EXOC6B: variants seen among roughly 807,000 people sequenced by gnomAD.
EXOC6B encodes the protein SEC15 homolog B.
EXOC6B carries 54 observed loss-of-function variants against 113.5 expected under a neutral mutation model. The ratio of observed to expected loss-of-function variants is 0.48; its 90% CI spans 0.38 to 0.60. The LOEUF is 0.60. Among genes scored for constraint, EXOC6B ranks in the 20% least tolerant of loss-of-function variants. The probability of loss-of-function intolerance (pLI) is 0.00; values close to 1 mark genes in which losing one functional copy is unlikely to be tolerated. For synonymous variants in EXOC6B, 357 were observed against 339.0 expected (o/e 1.05, Z -0.58); for missense variants, 797 against 977.5 (o/e 0.82, Z 2.46).
At chr2:72,548,900 G>T (rs1304501059) in intron 8 of EXOC6B, among the ~76,000 whole-genome samples, 1 of 152,036 alleles carries the variant, frequency 6.6e-6, no homozygotes, top group Non-Finnish European at 1.5e-5. Flanking sequence ...AAAACTGCTG[G>T]ATGACACAAG....
intron 2 of EXOC6B, among the ~76,000 whole-genome samples, chr2:72,738,141 T>C (rs1226336307): frequency 1.3e-5 from 2 of 152,174 alleles, no homozygotes; most frequent in African/African-American, 4.8e-5. Context: ...TTGGGAAGCA[T>C]GCCCTAGAGG....
chr2:72,474,188 A>C lies in EXOC6B; in HGVS notation c.1800+6428T>G, dbSNP rs564764112. On this transcript the variant is annotated intron_variant, in intron 17 of 21. Transcript: ENST00000272427. ...ACTAGATGCTTTTCTCTTGCTGTTTATAGAAATCTTTGTGTTTACATTTAG... is the reference window on the plus strand; with the variant it reads ...ACTAGATGCTTTTCTCTTGCTGTTTCTAGAAATCTTTGTGTTTACATTTAG... Among the ~76,000 whole-genome samples, 48 of 151,954 alleles carry C rather than the reference A, an allele frequency of 3.2e-4. 1 individual carries two copies. The highest frequency in any genetic ancestry group is 1.2e-3 in the African/African-American group (48 of 41,434).
chr2:72,397,795 G>A (rs890825676), intron 18 of EXOC6B, among the ~76,000 whole-genome samples: 1 of 151,950 alleles, frequency 6.6e-6, no homozygotes, highest in Non-Finnish European at 1.5e-5. Flanking sequence ...TATAAATGAT[G>A]TGAATATAAA....
At chr2:72,464,081 T>A (rs2105413389) in intron 18 of EXOC6B, 1 of 152,232 alleles carries the variant, frequency 6.6e-6, no homozygotes, top group South Asian at 2.1e-4. Context: ...CCTAATGTAA[T>A]CACACTGGTT....
chr2:72,648,237 C>A (rs921302400), intron 6 of EXOC6B, among the ~76,000 whole-genome samples: 2 of 152,194 alleles, frequency 1.3e-5, no homozygotes, highest in African/African-American at 4.8e-5. Flanking sequence ...GAAATATTTT[C>A]TCACACCAGT....
At chr2:72,657,935 T>C (rs978867105) in intron 6 of EXOC6B, among the ~76,000 whole-genome samples, 2 of 151,540 alleles carry the variant, frequency 1.3e-5, no homozygotes, top group Non-Finnish European at 2.9e-5. Flanking sequence ...GTATTAATTA[T>C]ATACAATTTT....
intron 6 of EXOC6B, among the ~76,000 whole-genome samples, chr2:72,629,401 G>T (rs1573515137): frequency 6.6e-6 from 1 of 152,058 alleles, no homozygotes; most frequent in East Asian, 1.9e-4. Flanking sequence ...TATAAGAATA[G>T]AAATTTCACA....
In EXOC6B at chr2:72,614,112, G is replaced by A. The variant is rs1017868539; in HGVS notation, c.670-38444C>T. ...TCTATCTGGCCGTTTATGGAAAAACGGTTTGTCAACTCTTGGCCTAGAGCT... is the reference window on the plus strand; with the variant it reads ...TCTATCTGGCCGTTTATGGAAAAACAGTTTGTCAACTCTTGGCCTAGAGCT... On this transcript the variant is annotated intron_variant, in intron 6 of 21. Coordinates refer to ENST00000272427, the MANE Select transcript of EXOC6B (RefSeq NM_015189.3). Among the ~76,000 whole-genome samples the A allele has an allele frequency of 3.9e-5, 6 of 152,058 alleles. No individual in the cohort carries two copies. The East Asian group carries it at 5.8e-4, about 15-fold the overall frequency.
chr2:72,206,848 T>C (rs954039425), intron 20 of EXOC6B, among the ~76,000 whole-genome samples: 2 of 152,240 alleles, frequency 1.3e-5, no homozygotes, highest in African/African-American at 4.8e-5. Context: ...TTCCTCAAGA[T>C]AATGTAGTTT....
intron 6 of EXOC6B, among the ~76,000 whole-genome samples, chr2:72,595,991 G>A (rs376999004): frequency 2.6e-5 from 4 of 152,110 alleles, no homozygotes; most frequent in South Asian, 2.1e-4. Flanking sequence ...GAAGCATACC[G>A]CACCACAAGT....
rs1444103075 is a variant in EXOC6B at position 72,652,241 on chromosome 2, C to T, written c.669+65862G>A. On this transcript the variant is annotated intron_variant, in intron 6 of 21. Transcript: ENST00000272427. ...TACCTAATAAACACAGTAGCAGGAA[C>T]GTCAACCTTTGAAAGAGAAAGGAGG... Among the ~76,000 whole-genome samples, 3 of 150,542 alleles carry T rather than the reference C, an allele frequency of 2.0e-5. No individual in the cohort carries two copies. In the South Asian group the frequency reaches 6.3e-4, roughly 32 times the overall value.
intron 18 of EXOC6B, 127 bp downstream of exon 18, chr2:72,465,033 T>C (rs1697952317): frequency 2.8e-6 from 2 of 719,538 alleles, no homozygotes; most frequent in East Asian, 5.4e-5. Flanking sequence ...TTAATAAATA[T>C]AGCATGCGCC....
chr2:72,800,101 A>G (rs1280934829), intron 1 of EXOC6B, among the ~76,000 whole-genome samples: 1 of 152,192 alleles, frequency 6.6e-6, no homozygotes, highest in African/African-American at 2.4e-5. Context: ...AAAATTGCCA[A>G]TATACCAAAT....
At chr2:72,195,952 G>A (rs1679141355) in intron 20 of EXOC6B, among the ~76,000 whole-genome samples, 1 of 152,132 alleles carries the variant, frequency 6.6e-6, no homozygotes, top group African/African-American at 2.4e-5. Context: ...ACTTTCAAAG[G>A]TAATGATAAT....
At chr2:72,571,830 T>G (rs1704527774) in intron 7 of EXOC6B, among the ~76,000 whole-genome samples, 1 of 134,374 alleles carries the variant, frequency 7.4e-6, no homozygotes, top group Non-Finnish European at 1.7e-5. Flanking sequence ...TGTAGATCCA[T>G]GTTCTAGGTG....
chr2:72,796,729 GCCATAGGCCC>G (rs1684978523), intron 1 of EXOC6B, among the ~76,000 whole-genome samples: 20 of 151,292 alleles, frequency 1.3e-4, no homozygotes, highest in Admixed American at 1.3e-3. Context: ...CTTGGCACAC[GCCATAGGCCC>G]TCTACCTTGC....
At chr2:72,535,270 T>A (rs779100252) in intron 8 of EXOC6B, among the ~76,000 whole-genome samples, 3 of 152,226 alleles carry the variant, frequency 2.0e-5, no homozygotes, top group Non-Finnish European at 4.4e-5. Flanking sequence ...GAATAAAATG[T>A]ACCTGCAACA....
intron 20 of EXOC6B, among the ~76,000 whole-genome samples, chr2:72,294,971 G>A (rs1462931414): frequency 6.6e-6 from 1 of 151,940 alleles, no homozygotes; most frequent in Admixed American, 6.6e-5. Context: ...GGTGGCTCAC[G>A]CCTGTAATCC....
intron 8 of EXOC6B, among the ~76,000 whole-genome samples, chr2:72,526,167 T>G (rs1309525124): frequency 6.6e-6 from 1 of 152,180 alleles, no homozygotes; most frequent in Non-Finnish European, 1.5e-5. Flanking sequence ...GAATAGAGGC[T>G]CTGAACAATT....
Sources: gnomAD v4.1 joint callset for allele counts (sites outside exome capture counted in the v4.1 genomes callset) on GRCh38, gnomAD v4.1.1 for gene constraint, MANE v1.5 for transcripts, NCBI Gene and HGNC (gene_info 2026-07-23, HGNC 2026-07-21) for gene names.